Variants in LAMA1 observed in about 807,000 individuals in gnomAD.
LAMA1 encodes laminin subunit alpha 1.
LAMA1 carries 219 observed loss-of-function variants against 348.7 expected under a neutral mutation model. That is an observed-to-expected ratio of 0.63 (90% CI 0.56 to 0.70). The LOEUF (loss-of-function observed/expected upper bound fraction) is 0.70. Ranked by LOEUF, LAMA1 falls within the 30% of genes least tolerant of loss-of-function variation. The pLI is 0.00. For missense variants in LAMA1, 3,744 were observed against 3,888.0 expected (o/e 0.96, Z 0.99); for synonymous variants, 1,487 against 1,491.0 (o/e 1.00, Z 0.06).
chr18:7,096,581 G>T (rs1598317556), intron 1 of LAMA1, among the ~76,000 whole-genome samples: 1 of 151,964 alleles, frequency 6.6e-6, no homozygotes, highest in African/African-American at 2.4e-5. Flanking sequence ...CTTGAGCCCA[G>T]GAGGTCAAGG....
At position 7,023,191 on chromosome 18, in the gene LAMA1, C is replaced by A. The variant is rs757768465; in HGVS notation, c.2674G>T (p.Asp892Tyr). The A allele has an allele frequency of 1.2e-6, 2 of 1,613,054 alleles. No homozygotes were observed. The highest frequency in any genetic ancestry group is 1.3e-5 in the African/African-American group (1 of 74,878). The change falls in exon 19 of 63, where the codon GAC becomes TAC. Residue 892 changes from aspartate to tyrosine, a missense_variant. Transcript: ENST00000389658. ...CGGCAGTTCTTGGCTGTCACAGCGT[C>A]CCCATAGAACCCGTCAGCACACCTT... ...CERCADGFYGDAVTAKNCRAC... is the reference protein window; with the variant it reads ...CERCADGFYGYAVTAKNCRAC...
At chr18:7,068,548 T>C (rs1315271898) in intron 3 of LAMA1, among the ~76,000 whole-genome samples, 1 of 152,216 alleles carries the variant, frequency 6.6e-6, no homozygotes, top group Non-Finnish European at 1.5e-5. Flanking sequence ...ACAGGGGATT[T>C]TTTAAATAAC....
In LAMA1 at chr18:6,942,131, G is replaced by C. The variant is rs775726893; in HGVS notation, c.9176C>G (p.Ala3059Gly). 2.5e-6 allele frequency: 4 copies of C among 1,614,162 alleles called. No homozygotes were observed. In the East Asian group the frequency reaches 8.9e-5, roughly 36 times the overall value. ...AAGGAAAACTCCGTGCAGTTCGAAC[G>C]CTCTGCTGAAGTCAAAGGACTGCAC... Reference protein sequence around the residue: ...PQVQSFDFSRAFELHGVFLHS... With the variant: ...PQVQSFDFSRGFELHGVFLHS... The change falls in exon 63 of 63, where the codon GCG becomes GGG. Residue 3059 changes from alanine to glycine, a missense_variant. Physicochemically the swap from Ala to Gly is moderately conservative, Grantham distance 60 (BLOSUM62 0). Around this residue, in one of 3 missense-constraint regions of LAMA1, gnomAD observed 232 missense variants for 264.4 expected, o/e 0.88. Transcript: ENST00000389658.
chr18:7,098,102 C>T (rs1341297158), intron 1 of LAMA1, among the ~76,000 whole-genome samples: 3 of 150,312 alleles, frequency 2.0e-5, no homozygotes, highest in Non-Finnish European at 4.5e-5. Flanking sequence ...CCGCCAGCCT[C>T]AGCCTCCCGA....
chr18:6,976,165 T>C, intron 44 of LAMA1, 85 bp from the exon 45 acceptor site: 1 of 1,394,988 alleles, frequency 7.2e-7, no homozygotes. Context: ...TATTCTGTAA[T>C]GAATTTTCAC....
At chr18:7,022,969 C>T (rs1360506008) in intron 19 of LAMA1, among the ~76,000 whole-genome samples, 195 bp downstream of exon 19, 2 of 152,198 alleles carry the variant, frequency 1.3e-5, no homozygotes, top group Non-Finnish European at 2.9e-5. Flanking sequence ...TATGACTAAC[C>T]AAGCTCAGGA....
At chr18:7,052,052 C>T (rs922594313) in intron 3 of LAMA1, among the ~76,000 whole-genome samples, 1 of 152,080 alleles carries the variant, frequency 6.6e-6, no homozygotes, top group Non-Finnish European at 1.5e-5. Flanking sequence ...TAGAAACACA[C>T]GCTATGGTGC....
chr18:6,977,390 G>C (rs1273004912), intron 44 of LAMA1, among the ~76,000 whole-genome samples: 2 of 152,220 alleles, frequency 1.3e-5, no homozygotes, highest in East Asian at 3.8e-4. Context: ...ATAAACTTAA[G>C]AGTGATGTTA....
At position 6,999,606 on chromosome 18, in the gene LAMA1, G is replaced by A; in HGVS notation, c.4502C>T (p.Thr1501Ile). 2 of 1,613,484 alleles carry A rather than the reference G, an allele frequency of 1.2e-6. No individual in the cohort carries two copies. The highest frequency in any genetic ancestry group is 1.7e-6 in the Non-Finnish European group (2 of 1,179,776). ...CSSSYYGNPQ[T>I]PGGSCQKCDC... ...ACACTTCTGGCAACTGCCACCTGGTGTTTGAGGGTTCCCATAATAGCTTGA... is the reference window on the plus strand; with the variant it reads ...ACACTTCTGGCAACTGCCACCTGGTATTTGAGGGTTCCCATAATAGCTTGA... The change falls in exon 32 of 63, where the codon ACA becomes ATA. Residue 1501 changes from threonine (T) to isoleucine (I), a missense_variant. By Grantham distance (89) the Thr-to-Ile change is moderately conservative (BLOSUM62 -1). This residue lies in a region of LAMA1 where 1,983 missense variants were observed against 1,934.3 expected (regional missense o/e 1.03). Coordinates refer to ENST00000389658, the MANE Select transcript of LAMA1 (RefSeq NM_005559.4).
chr18:7,074,567 T>C (rs1012033464), intron 3 of LAMA1, among the ~76,000 whole-genome samples: 1 of 152,228 alleles, frequency 6.6e-6, no homozygotes, highest in African/African-American at 2.4e-5. Context: ...AGTATTGATA[T>C]ATGAGATCCT....
chr18:7,079,896 C>G lies in LAMA1; in HGVS notation c.345+79G>C. The G allele has an allele frequency of 3.9e-6, 4 of 1,028,738 alleles. No individual in the cohort carries two copies. In the Admixed American group the frequency reaches 5.4e-5, roughly 14 times the overall value. 63.7% of individuals were successfully genotyped at this position (1,028,738 alleles called of 1,614,324 possible). Reference sequence around the variant, plus strand: ...GAATGTAAATGTGTTCAGAAAGAAGCCAGACTTTCCCAAAGGTCATCAGAA... The same window carrying G: ...GAATGTAAATGTGTTCAGAAAGAAGGCAGACTTTCCCAAAGGTCATCAGAA... On this transcript the variant is annotated intron_variant, in intron 3 of 62. Transcript: ENST00000389658.
At chr18:7,074,187 G>T (rs1411127887) in intron 3 of LAMA1, among the ~76,000 whole-genome samples, 2 of 152,166 alleles carry the variant, frequency 1.3e-5, no homozygotes, top group South Asian at 2.1e-4. Flanking sequence ...TCCACCCACA[G>T]TGCACAGGGT....
chr18:7,025,918 C>T (rs79102289), intron 17 of LAMA1, 61 bp downstream of exon 17: 30,010 of 1,564,316 alleles, frequency 0.019, 329 homozygotes, highest in Middle Eastern at 0.031. Context: ...GTCATTAGTA[C>T]GCATCTGGGT....
At chr18:7,065,974 A>G (rs992665495) in intron 3 of LAMA1, among the ~76,000 whole-genome samples, 3 of 152,200 alleles carry the variant, frequency 2.0e-5, no homozygotes, top group Admixed American at 2.0e-4. Flanking sequence ...CACGGCATCA[A>G]CAGGCAGCTG....
chr18:6,997,265 C>T (rs577708827), intron 33 of LAMA1, among the ~76,000 whole-genome samples: 10 of 152,186 alleles, frequency 6.6e-5, no homozygotes, highest in African/African-American at 1.2e-4. Flanking sequence ...GGTTTCACCA[C>T]GTTGGCCAGG....
At position 7,050,695 on chromosome 18, in the gene LAMA1, T is replaced by A; in HGVS notation, c.587A>T (p.Glu196Val). The A allele has an allele frequency of 6.2e-7, 1 of 1,613,580 alleles. No individual in the cohort carries two copies. The highest frequency in any genetic ancestry group is 1.1e-5 in the South Asian group (1 of 91,042). ...YSRLVPLEHG[E>V]IHTSLINGRP... ...TGCTGCAGCGGGCACCATACCTACCTCTCCATGCTCAAGTGGCACCAATCT... is the reference window on the plus strand; with the variant it reads ...TGCTGCAGCGGGCACCATACCTACCACTCCATGCTCAAGTGGCACCAATCT... The change falls in exon 4 of 63, where the codon GAG becomes GTG. Residue 196 changes from glutamate (E) to valine (V), a missense_variant and splice_region_variant. By Grantham distance (121) the Glu-to-Val change is moderately radical. Transcript: ENST00000389658.
At chr18:7,096,607 A>T (rs1224743964) in intron 1 of LAMA1, among the ~76,000 whole-genome samples, 1 of 151,978 alleles carries the variant, frequency 6.6e-6, no homozygotes, top group Non-Finnish European at 1.5e-5. Context: ...ATGAGCCGTG[A>T]TCACACCACT....
intron 61 of LAMA1, among the ~76,000 whole-genome samples, chr18:6,944,166 C>A (rs2057512445): frequency 6.6e-6 from 1 of 152,122 alleles, no homozygotes; most frequent in South Asian, 2.1e-4. Context: ...CAGGCATCCA[C>A]CACCATGCCC....
At chr18:6,968,602 C>T (rs370191669) in intron 48 of LAMA1, among the ~76,000 whole-genome samples, 2 of 152,172 alleles carry the variant, frequency 1.3e-5, no homozygotes, top group African/African-American at 2.4e-5. Flanking sequence ...AATGTCCACT[C>T]GTAAATAATA....
Sources: allele counts gnomAD v4.1 joint callset (sites outside exome capture counted in the v4.1 genomes callset), GRCh38; gene constraint gnomAD v4.1.1; regional missense constraint gnomAD v4.1.1; transcripts MANE v1.5; gene names NCBI Gene and HGNC (gene_info 2026-07-23, HGNC 2026-07-21).